The following CALM2 variants were observed in gnomAD, a reference collection of about 807,000 sequenced individuals.
CALM2 encodes the protein calmodulin 2.
Under a neutral mutation model 19.8 loss-of-function variants are expected in CALM2, and 2 were observed. The observed-to-expected ratio is 0.10, with a 90% confidence interval of 0.04 to 0.32. CALM2 has a LOEUF of 0.32. Ranked by LOEUF, CALM2 falls within the 10% of genes least tolerant of loss-of-function variation. The pLI is 1.00. For synonymous variants in CALM2, 51 were observed against 52.1 expected (o/e 0.98, Z 0.09); for missense variants, 38 against 178.7 (o/e 0.21, Z 4.49).
intron 2 of CALM2, among the ~76,000 whole-genome samples, chr2:47,164,813 GT>G (rs1174374092): frequency 6.6e-6 from 1 of 152,078 alleles, no homozygotes; most frequent in African/African-American, 2.4e-5. Flanking sequence ...TGACACATGT[GT>G]AAGAAATGGT....
At chr2:47,167,495 AC>A in intron 2 of CALM2, 1 of 176,614 alleles carries the variant, frequency 5.7e-6, no homozygotes. Flanking sequence ...GCAGTTCAAG[AC>A]CAGCCTGGCC....
chr2:47,170,189 T>C (rs1666619970), intron 2 of CALM2, among the ~76,000 whole-genome samples: 3 of 152,252 alleles, frequency 2.0e-5, no homozygotes, highest in Admixed American at 2.0e-4. Context: ...CACTGTTTTT[T>C]AAGAGAAAAA....
At chr2:47,166,531 T>C (rs930737232) in intron 2 of CALM2, among the ~76,000 whole-genome samples, 62 of 152,244 alleles carry the variant, frequency 4.1e-4, no homozygotes, top group African/African-American at 1.4e-3. Flanking sequence ...GTATCTATGC[T>C]AATACCATTT....
At chr2:47,167,809 C>CTTTTTTTTTTTTTTTTTTTTTTTTTTTTT (rs1400752450) in intron 2 of CALM2, 4 of 18,236 alleles carry the variant, frequency 2.2e-4, no homozygotes, top group Admixed American at 6.5e-4. Flanking sequence ...ATTTTTTTTT[C>CTTTTTTTTTTTTTTTTTTTTTTTTTTTTT]TTTTCTTTGA....
intron 2 of CALM2, among the ~76,000 whole-genome samples, chr2:47,168,469 T>C (rs1038081414): frequency 5.3e-5 from 8 of 152,122 alleles, no homozygotes; most frequent in Non-Finnish European, 7.4e-5. Context: ...CCAGGCATGG[T>C]GATTCACACC....
Position 47,176,503 on chromosome 2 carries a change from A to C in CALM2, c.-60T>G, listed in dbSNP as rs1261871733. 5 of 1,608,274 alleles carry C rather than the reference A, an allele frequency of 3.1e-6. No homozygotes were observed. Among genetic ancestry groups the C allele is most frequent in the Non-Finnish European group, 4.2e-6 (5 of 1,177,760 alleles). On this transcript the variant is annotated 5_prime_UTR_variant, in exon 1 of 6. Transcript: ENST00000272298. ...CACAACCACTCAGCTCGCTCTCTCC[A>C]CTCGGACTAATTCGCCTCCTCCGCC...
chr2:47,175,314 T>A (rs887452861), intron 1 of CALM2, among the ~76,000 whole-genome samples: 3 of 152,078 alleles, frequency 2.0e-5, no homozygotes, highest in African/African-American at 2.4e-5. Context: ...TGGTCGTGGT[T>A]CTTGAACATT....
At chr2:47,171,374 A>G (rs1342850159) in intron 1 of CALM2, 1 of 152,546 alleles carries the variant, frequency 6.6e-6, no homozygotes, top group Non-Finnish European at 1.5e-5. Context: ...TTTTCTTCAG[A>G]AAATATTTTC....
chr2:47,168,351 T>C (rs1666556091), intron 2 of CALM2, among the ~76,000 whole-genome samples: 2 of 152,082 alleles, frequency 1.3e-5, no homozygotes, highest in Admixed American at 1.3e-4. Context: ...AATTTTATGA[T>C]GAAAGCCAAG....
At chr2:47,162,801 C>T (rs1687196645) in intron 2 of CALM2, 139 bp from the exon 3 acceptor site, 4 of 639,836 alleles carry the variant, frequency 6.3e-6, no homozygotes, top group African/African-American at 1.9e-5. Context: ...CCTGGCCAAA[C>T]TGTAAGACCC....
upstream of CALM2, chr2:47,176,906 T>G: frequency 4.1e-6 from 4 of 985,382 alleles, no homozygotes; most frequent in Non-Finnish European, 4.8e-6. Flanking sequence ...GCTTCTGCCG[T>G]TGCTGCTCGG....
intron 2 of CALM2, among the ~76,000 whole-genome samples, chr2:47,168,654 C>T (rs1026326678): frequency 5.3e-4 from 80 of 152,164 alleles, no homozygotes; most frequent in African/African-American, 1.9e-3. Flanking sequence ...AGCTTGAACC[C>T]GGGAGACAGA....
At chr2:47,176,923 C>T (rs1299403584), upstream of CALM2, 1 of 985,350 alleles carries the variant, frequency 1.0e-6, no homozygotes, top group Non-Finnish European at 1.2e-6. Context: ...TCGGGCCGCG[C>T]TGTCCTGGCA....
intron 4 of CALM2, 115 bp downstream of exon 4, chr2:47,162,171 C>CGAAAAA (rs1687177385): frequency 8.1e-6 from 1 of 122,858 alleles, no homozygotes; most frequent in Non-Finnish European, 1.4e-5. Flanking sequence ...GGTAAATCAT[C>CGAAAAA]AAAAAAAAAA....
chr2:47,176,403 C>G, intron 1 of CALM2, 38 bp downstream of exon 1: 4 of 1,611,400 alleles, frequency 2.5e-6, no homozygotes, highest in Non-Finnish European at 1.7e-6. Flanking sequence ...TCTCTTCCCC[C>G]CACAGGCCCA....
At chr2:47,165,399 T>G in intron 2 of CALM2, among the ~76,000 whole-genome samples, 1 of 152,192 alleles carries the variant, frequency 6.6e-6, no homozygotes, top group East Asian at 1.9e-4. Flanking sequence ...ACAAGGGGTA[T>G]TCACCTGGTC....
chr2:47,164,683 T>A (rs1232917195), intron 2 of CALM2, among the ~76,000 whole-genome samples: 2 of 152,166 alleles, frequency 1.3e-5, no homozygotes, highest in African/African-American at 4.8e-5. Context: ...AAGCTAGTAT[T>A]TTCCAAGTAA....
upstream of CALM2, chr2:47,176,689 G>A (rs1375658634): frequency 3.5e-6 from 5 of 1,418,664 alleles, no homozygotes; most frequent in African/African-American, 2.9e-5. Flanking sequence ...CAAGGAAAGT[G>A]GGCGAACGGA....
At chr2:47,161,642 A>C (rs758625359) in intron 5 of CALM2, 81 bp downstream of exon 5, 1 of 1,325,752 alleles carries the variant, frequency 7.5e-7, no homozygotes, top group Non-Finnish European at 1.0e-6. Context: ...AAGGGTCACT[A>C]ATTTCGATCA....
Sources: allele counts gnomAD v4.1 joint callset (sites outside exome capture counted in the v4.1 genomes callset), GRCh38; gene constraint gnomAD v4.1.1; transcripts MANE v1.5; gene names NCBI Gene and HGNC (gene_info 2026-07-23, HGNC 2026-07-21).